VPS8: variants seen among roughly 807,000 people sequenced by gnomAD.
VPS8 encodes VPS8 subunit of CORVET complex.
Under a neutral mutation model 216.4 loss-of-function variants are expected in VPS8, and 129 were observed. The ratio of observed to expected loss-of-function variants is 0.60; its 90% CI spans 0.52 to 0.69. The LOEUF is 0.69. VPS8 is among the 30% of genes least tolerant of loss of function. The pLI is 0.00. For missense variants in VPS8, 1,531 were observed against 1,683.5 expected (o/e 0.91, Z 1.59); for synonymous variants, 571 against 565.4 (o/e 1.01, Z -0.14).
chr3:184,990,700 C>G (rs981030562), intron 42 of VPS8, among the ~76,000 whole-genome samples: 1 of 152,186 alleles, frequency 6.6e-6, no homozygotes, highest in Non-Finnish European at 1.5e-5. Context: ...TAGGGCTTTT[C>G]TTCTGTATCT....
In VPS8 at chr3:184,824,603, A is replaced by T. The variant is rs774063297; in HGVS notation, c.-30A>T. On this transcript the variant is annotated 5_prime_UTR_variant, in exon 2 of 48. An upstream start codon of the reference 5' UTR is lost. Transcript: ENST00000625842. ...AAACAAACAAAAAACACTTGCTTTG[A>T]TGGACTGAATACTGTTATTAGAAGT... is the stretch of plus-strand genomic sequence containing the variant. The T allele has an allele frequency of 6.3e-7, 1 of 1,593,846 alleles. No individual in the cohort carries two copies.
At chr3:184,912,250 C>T (rs1186864879) in intron 25 of VPS8, among the ~76,000 whole-genome samples, 1 of 152,120 alleles carries the variant, frequency 6.6e-6, no homozygotes, top group Non-Finnish European at 1.5e-5. Context: ...TTCTAACTCG[C>T]TCAGGTACAA....
chr3:184,925,515 C>G (rs1456751111), intron 30 of VPS8, among the ~76,000 whole-genome samples: 1 of 152,156 alleles, frequency 6.6e-6, no homozygotes, highest in Non-Finnish European at 1.5e-5. Flanking sequence ...CTCTCAACAG[C>G]TCTAAAATAG....
intron 43 of VPS8, among the ~76,000 whole-genome samples, 171 bp downstream of exon 43, chr3:184,994,234 A>G (rs1752315437): frequency 6.6e-6 from 1 of 152,030 alleles, no homozygotes. Context: ...AGGCATGGTA[A>G]CTCATACCTG....
chr3:185,034,410 CAT>C (rs1157205340), intron 46 of VPS8, among the ~76,000 whole-genome samples: 1 of 152,094 alleles, frequency 6.6e-6, no homozygotes, highest in Admixed American at 6.6e-5. Flanking sequence ...AGCATTTTTT[CAT>C]ATGTTTATTG....
At chr3:184,965,705 A>T (rs755235691) in intron 38 of VPS8, among the ~76,000 whole-genome samples, 2 of 152,236 alleles carry the variant, frequency 1.3e-5, no homozygotes, top group Non-Finnish European at 2.9e-5. Flanking sequence ...TTTCATAAAG[A>T]CTACGCTGGT....
chr3:185,034,129 T>C (rs1468325572), intron 46 of VPS8, among the ~76,000 whole-genome samples: 1 of 152,210 alleles, frequency 6.6e-6, no homozygotes, highest in East Asian at 1.9e-4. Flanking sequence ...CACTTATAAG[T>C]GAGAACATGT....
rs367844676 is a variant in VPS8, at chr3:184,866,939, T to G, written c.1459T>G (p.Leu487Val). ...TAGCTATGGTGGTCAGATCTTTTAT[T>G]TGGGGACAAAAGTAAGCTCTTTTAC... ...ISSYGGQIFY[L>V]GTKSVYVMML... Residue 487 changes from leucine to valine, a missense_variant, in exon 17 of 48, where the codon TTG (leucine) becomes GTG (valine). Physicochemically the swap from Leu to Val is conservative, Grantham distance 32. Around this residue, in one of 3 missense-constraint regions of VPS8, gnomAD observed 1,318 missense variants for 1,468.4 expected, o/e 0.90. Transcript: ENST00000625842. The G allele has an allele frequency of 6.2e-7, 1 of 1,613,178 alleles. No homozygotes were observed. Among genetic ancestry groups the G allele is most frequent in the Non-Finnish European group, 8.5e-7 (1 of 1,179,606 alleles).
Position 185,052,151 on chromosome 3 carries a change from C to A in VPS8, c.*126C>A. On this transcript the variant is annotated 3_prime_UTR_variant, in exon 48 of 48. Transcript: ENST00000625842. ...TTCTGAGAAGAGGTTCCAAATTGGGCTTCTGTGCCCAGAGCGTCCACAGCA... is the reference window on the plus strand; with the variant it reads ...TTCTGAGAAGAGGTTCCAAATTGGGATTCTGTGCCCAGAGCGTCCACAGCA... 8.9e-7 allele frequency: 1 copy of A among 1,124,430 alleles called. No homozygotes were observed. The highest frequency in any genetic ancestry group is 1.2e-6 in the Non-Finnish European group (1 of 820,346). The allele number at this position is 1,124,430 out of a possible 1,614,324, so 69.7% of individuals were successfully genotyped here.
chr3:184,843,467 A>G (rs1271887109), intron 8 of VPS8, among the ~76,000 whole-genome samples: 1 of 152,212 alleles, frequency 6.6e-6, no homozygotes, highest in Non-Finnish European at 1.5e-5. Flanking sequence ...GAAAGTATAT[A>G]CATTTTCATT....
chr3:184,957,901 C>A (rs1179160697), intron 37 of VPS8, among the ~76,000 whole-genome samples: 1 of 152,168 alleles, frequency 6.6e-6, no homozygotes, highest in Non-Finnish European at 1.5e-5. Flanking sequence ...TTCCCAGATT[C>A]CTCCCGTGCC....
At chr3:185,022,306 G>C (rs1365020458) in intron 45 of VPS8, among the ~76,000 whole-genome samples, 3 of 152,088 alleles carry the variant, frequency 2.0e-5, no homozygotes, top group African/African-American at 7.2e-5. Context: ...CCAGTCACAG[G>C]AATTTCTTAA....
At position 185,032,345 on chromosome 3, in the gene VPS8, G is replaced by T. The variant is rs1209022857; in HGVS notation, c.4056+7956G>T. On this transcript the variant is annotated intron_variant, in intron 46 of 47. Coordinates refer to ENST00000625842, the MANE Select transcript of VPS8 (RefSeq NM_001009921.3). ...GGTGAGAGGGCTATTGCAGTAAGGG[G>T]AACGCTCCAACCATAAGATCTGCAA... Among the ~76,000 whole-genome samples, 13 of 152,270 alleles carry T rather than the reference G, an allele frequency of 8.5e-5. No individual in the cohort carries two copies. The South Asian group carries it at 2.7e-3, about 32-fold the overall frequency.
chr3:185,021,185 T>C (rs933358140), intron 45 of VPS8, among the ~76,000 whole-genome samples: 2 of 152,220 alleles, frequency 1.3e-5, no homozygotes, highest in African/African-American at 4.8e-5. Context: ...TCACAAAAAG[T>C]TCAACATTAT....
intron 45 of VPS8, among the ~76,000 whole-genome samples, chr3:185,021,668 A>G (rs1254563364): frequency 5.3e-5 from 8 of 152,234 alleles, no homozygotes. Context: ...GATCTGCTCA[A>G]TCTGAAAGGA....
At chr3:184,863,167 T>A (rs2108740098) in intron 16 of VPS8, 100 bp downstream of exon 16, 1 of 1,430,392 alleles carries the variant, frequency 7.0e-7, no homozygotes, top group Non-Finnish European at 9.5e-7. Context: ...GGAGTTACCT[T>A]TTTCTGTCTT....
chr3:184,813,978 T>G (rs1287796031), intron 1 of VPS8: 1 of 152,260 alleles, frequency 6.6e-6, no homozygotes, highest in Non-Finnish European at 1.5e-5. Context: ...CAAACTGTTG[T>G]ATTCTTAACT....
At chr3:184,978,253 T>C (rs989865533) in intron 40 of VPS8, among the ~76,000 whole-genome samples, 1 of 152,126 alleles carries the variant, frequency 6.6e-6, no homozygotes, top group Non-Finnish European at 1.5e-5. Context: ...CTGAGGGCTA[T>C]TTTTTATATT....
intron 11 of VPS8, among the ~76,000 whole-genome samples, chr3:184,853,042 A>G (rs1194769757): frequency 1.3e-5 from 2 of 152,218 alleles, no homozygotes; most frequent in East Asian, 3.8e-4. Flanking sequence ...TTATGTCTCC[A>G]TAAGTTCTTC....
Sources: gnomAD v4.1 joint callset for allele counts (sites outside exome capture counted in the v4.1 genomes callset) on GRCh38, gnomAD v4.1.1 for gene constraint, gnomAD v4.1.1 regional missense constraint, MANE v1.5 for transcripts, NCBI Gene and HGNC (gene_info 2026-07-23, HGNC 2026-07-21) for gene names.